The following SEZ6L variants were observed in gnomAD, a reference collection of about 807,000 sequenced individuals.
SEZ6L encodes the protein seizure related 6 homolog like.
A neutral mutation model predicts 106.2 loss-of-function variants in SEZ6L; 37 were observed. The ratio of observed to expected loss-of-function variants is 0.35; its 90% CI spans 0.27 to 0.46. The LOEUF (loss-of-function observed/expected upper bound fraction) is 0.46, where lower values mean the gene tolerates loss of function less well. Among genes scored for constraint, SEZ6L ranks in the 20% least tolerant of loss-of-function variants. The pLI is 1.00. For synonymous variants in SEZ6L, 541 were observed against 570.4 expected (o/e 0.95, Z 0.73); for missense variants, 1,172 against 1,332.8 (o/e 0.88, Z 1.88).
intron 14 of SEZ6L, 73 bp from the exon 15 acceptor site, chr22:26,375,502 G>A: frequency 2.4e-6 from 3 of 1,232,864 alleles, no homozygotes; most frequent in Non-Finnish European, 2.4e-6. Context: ...AAGGGGTGGA[G>A]AACTGGGCAG....
At chr22:26,368,745 T>TAAAA (rs60719551) in intron 13 of SEZ6L, among the ~76,000 whole-genome samples, 5 of 149,064 alleles carry the variant, frequency 3.4e-5, no homozygotes, top group South Asian at 2.1e-4. Context: ...TTTATCTACC[T>TAAAA]AAAAAAAAAA....
Position 26,373,450 on chromosome 22 carries a change from G to T in SEZ6L, c.2795-1G>T. On this transcript the variant is annotated splice_acceptor_variant, in intron 13 of 16. Coordinates refer to ENST00000248933, the MANE Select transcript of SEZ6L (RefSeq NM_021115.5). LOFTEE classifies it high-confidence loss of function. ...CCAATGCTTCCTGATTTCTCTTTCA[G>T]TTAATCAAGACAGTTTTGAACATGC... The T allele has an allele frequency of 1.3e-6, 2 of 1,597,490 alleles. No individual in the cohort carries two copies. Among genetic ancestry groups the T allele is most frequent in the South Asian group, 1.1e-5 (1 of 87,286 alleles).
chr22:26,371,824 C>A (rs1343252475), intron 13 of SEZ6L, among the ~76,000 whole-genome samples: 1 of 152,196 alleles, frequency 6.6e-6, no homozygotes, highest in East Asian at 1.9e-4. Flanking sequence ...GCAAGAAAGG[C>A]TCTCAGGAGA....
chr22:26,200,489 CA>C (rs954451030), intron 1 of SEZ6L, among the ~76,000 whole-genome samples: 4 of 152,170 alleles, frequency 2.6e-5, no homozygotes, highest in African/African-American at 9.6e-5. Context: ...GAATCCCCAC[CA>C]GCCACCTCCT....
chr22:26,291,308 G>A (rs1318033784), intron 1 of SEZ6L, among the ~76,000 whole-genome samples: 1 of 152,140 alleles, frequency 6.6e-6, no homozygotes, highest in Non-Finnish European at 1.5e-5. Flanking sequence ...GATGGAGCTG[G>A]AAGACATTAT....
At chr22:26,192,862 T>C (rs1023148019) in intron 1 of SEZ6L, among the ~76,000 whole-genome samples, 14 of 152,340 alleles carry the variant, frequency 9.2e-5, no homozygotes, top group African/African-American at 2.9e-4. Context: ...AAAGGAAACA[T>C]ACATGAAGCA....
chr22:26,172,163 C>A (rs1035234992), intron 1 of SEZ6L, among the ~76,000 whole-genome samples: 1 of 152,070 alleles, frequency 6.6e-6, no homozygotes, highest in Non-Finnish European at 1.5e-5. Flanking sequence ...AGAATAATTT[C>A]TTTTCTTTTT....
In SEZ6L at chr22:26,292,992, C is replaced by G. The variant is rs1262946189; in HGVS notation, c.681C>G (p.Asp227Glu). 9.9e-6 allele frequency: 16 copies of G among 1,613,882 alleles called. No homozygotes were observed. Among genetic ancestry groups the G allele is most frequent in the South Asian group, 3.3e-5 (3 of 91,082 alleles). ...QRPEPGEPGP[D>E]MAQEAPQEDT... ...CAGAACCCGGGGAGCCTGGGCCTGA[C>G]ATGGCCCAGGAGGCCCCCCAGGAGG... Residue 227 changes from aspartate to glutamate, a missense_variant, in exon 2 of 17, where the codon GAC becomes GAG. By Grantham distance (45) the Asp-to-Glu change is conservative. Transcript: ENST00000248933.
At chr22:26,192,724 G>C (rs1940314806) in intron 1 of SEZ6L, among the ~76,000 whole-genome samples, 1 of 152,114 alleles carries the variant, frequency 6.6e-6, no homozygotes, top group Admixed American at 6.6e-5. Context: ...GGGCCTAATG[G>C]GTAAAATAGG....
chr22:26,373,903 T>A (rs2084127992), intron 14 of SEZ6L, among the ~76,000 whole-genome samples: 1 of 152,224 alleles, frequency 6.6e-6, no homozygotes, highest in Non-Finnish European at 1.5e-5. Flanking sequence ...GGTCCATTTT[T>A]CCCTGAGTCT....
At chr22:26,178,471 G>A (rs1312018845) in intron 1 of SEZ6L, among the ~76,000 whole-genome samples, 3 of 152,218 alleles carry the variant, frequency 2.0e-5, no homozygotes, top group Admixed American at 1.3e-4. Context: ...CATAGCTAAT[G>A]TAGTTGGTGC....
intron 11 of SEZ6L, among the ~76,000 whole-genome samples, chr22:26,350,846 C>CG (rs1335818597): frequency 1.3e-5 from 2 of 151,856 alleles, no homozygotes; most frequent in East Asian, 3.9e-4. Flanking sequence ...TTAGTAGAGA[C>CG]GGGGTTTCAC....
chr22:26,196,462 A>G (rs533636936), intron 1 of SEZ6L, among the ~76,000 whole-genome samples: 1 of 152,354 alleles, frequency 6.6e-6, no homozygotes, highest in East Asian at 1.9e-4. Flanking sequence ...TAGCTGGAGC[A>G]TGGCAAATGA....
At chr22:26,335,525 T>C (rs1342217182) in intron 9 of SEZ6L, among the ~76,000 whole-genome samples, 4 of 152,122 alleles carry the variant, frequency 2.6e-5, no homozygotes, top group Non-Finnish European at 5.9e-5. Flanking sequence ...TGATTTTTTT[T>C]CTGTCTTTAA....
chr22:26,371,565 G>A (rs553794054), intron 13 of SEZ6L, among the ~76,000 whole-genome samples: 2 of 152,018 alleles, frequency 1.3e-5, no homozygotes, highest in South Asian at 2.1e-4. Flanking sequence ...CCGGGAGGCC[G>A]AGGTTGCAGT....
At chr22:26,246,917 G>A (rs1247070509) in intron 1 of SEZ6L, among the ~76,000 whole-genome samples, 1 of 152,142 alleles carries the variant, frequency 6.6e-6, no homozygotes, top group Admixed American at 6.5e-5. Flanking sequence ...TCAGATAAAT[G>A]GGGGTGACAA....
intron 9 of SEZ6L, among the ~76,000 whole-genome samples, chr22:26,325,372 G>A (rs2082275620): frequency 6.6e-6 from 1 of 152,154 alleles, no homozygotes; most frequent in Admixed American, 6.5e-5. Flanking sequence ...ATATTACTGT[G>A]TACAATGATC....
At chr22:26,260,889 G>A (rs1009342582) in intron 1 of SEZ6L, among the ~76,000 whole-genome samples, 13 of 152,030 alleles carry the variant, frequency 8.6e-5, no homozygotes, top group Admixed American at 2.0e-4. Flanking sequence ...CCGTGCCAAC[G>A]TCTATTGTAT....
At chr22:26,198,680 C>G (rs554364973) in intron 1 of SEZ6L, among the ~76,000 whole-genome samples, 9 of 152,296 alleles carry the variant, frequency 5.9e-5, no homozygotes, top group African/African-American at 2.2e-4. Context: ...ACACTGTGGC[C>G]TCACATAGCA....
Sources: allele counts gnomAD v4.1 joint callset (sites outside exome capture counted in the v4.1 genomes callset), GRCh38; gene constraint gnomAD v4.1.1; transcripts MANE v1.5; gene names NCBI Gene and HGNC (gene_info 2026-07-23, HGNC 2026-07-21).